ZNF567: variants seen among roughly 807,000 people sequenced by gnomAD.
The protein encoded by ZNF567 is zinc finger protein 567.
Under a neutral mutation model 53.9 loss-of-function variants are expected in ZNF567, and 36 were observed. The observed-to-expected ratio is 0.67, with a 90% CI of 0.51 to 0.88. ZNF567 has a LOEUF of 0.88. Ranked by LOEUF, ZNF567 falls within the 40% of genes least tolerant of loss-of-function variation. The pLI, the probability that ZNF567 is intolerant of heterozygous loss-of-function variation, is 0.00. For missense variants in ZNF567, 619 were observed against 764.7 expected (o/e 0.81, Z 2.25); for synonymous variants, 224 against 260.4 (o/e 0.86, Z 1.35).
At chr19:36,681,976 A>G in the ZNF567 span, among the ~76,000 whole-genome samples, 1 of 152,146 alleles carries the variant, frequency 6.6e-6, no homozygotes, top group African/African-American at 2.4e-5. Context: ...AAGTAACAAA[A>G]TAATTACATG....
chr19:36,721,683 G>A (rs2040300586), downstream of ZNF567, among the ~76,000 whole-genome samples: 1 of 151,516 alleles, frequency 6.6e-6, no homozygotes. Context: ...ACAAGAGAAA[G>A]GGACATTGAG....
the ZNF567 span, among the ~76,000 whole-genome samples, chr19:36,675,493 T>C: frequency 3.3e-5 from 5 of 152,092 alleles, no homozygotes; most frequent in African/African-American, 7.2e-5. Flanking sequence ...ATCAACATCG[T>C]GAAACCCTGT....
intron 3 of ZNF567, among the ~76,000 whole-genome samples, chr19:36,704,432 C>CA (rs1482755305): frequency 1.3e-5 from 2 of 151,264 alleles, no homozygotes; most frequent in African/African-American, 4.8e-5. Flanking sequence ...CAAAACAAAA[C>CA]AAAAAACAAA....
chr19:36,708,799 T>C (rs908194280), intron 3 of ZNF567, among the ~76,000 whole-genome samples: 96 of 152,216 alleles, frequency 6.3e-4, no homozygotes, highest in Non-Finnish European at 8.8e-4. Context: ...CCTAACCCGT[T>C]CTTGCTTATC....
At chr19:36,710,583 T>C (rs2039730566) in intron 3 of ZNF567, among the ~76,000 whole-genome samples, 1 of 152,186 alleles carries the variant, frequency 6.6e-6, no homozygotes, top group Non-Finnish European at 1.5e-5. Flanking sequence ...TGATATATCC[T>C]CTTAGTTCTT....
At chr19:36,710,331 G>A (rs1266554840) in intron 3 of ZNF567, among the ~76,000 whole-genome samples, 1 of 142,422 alleles carries the variant, frequency 7.0e-6, no homozygotes, top group Non-Finnish European at 1.5e-5. Context: ...GGCCCACTAG[G>A]AGTTAGTTTC....
chr19:36,695,306 A>T (rs2038827287), intron 3 of ZNF567, among the ~76,000 whole-genome samples: 1 of 152,030 alleles, frequency 6.6e-6, no homozygotes, highest in Non-Finnish European at 1.5e-5. Context: ...AGGTGGGCAG[A>T]TCACCTGAGG....
At chr19:36,718,096 A>C (rs3108578) in intron 5 of ZNF567, among the ~76,000 whole-genome samples, 45,362 of 152,118 alleles carry the variant, frequency 0.3, 6,827 homozygotes, top group African/African-American at 0.33. Context: ...GTAGAAAATG[A>C]ATTGATAATT....
the ZNF567 span, among the ~76,000 whole-genome samples, chr19:36,671,713 TC>T: frequency 6.6e-6 from 1 of 152,154 alleles, no homozygotes; most frequent in Non-Finnish European, 1.5e-5. Flanking sequence ...AAACGACTCT[TC>T]AGAGGCAGCT....
intron 3 of ZNF567, chr19:36,711,263 G>C (rs2039772253): frequency 6.6e-6 from 1 of 152,200 alleles, no homozygotes; most frequent in Non-Finnish European, 1.5e-5. Context: ...TAGAGACAGG[G>C]TCTTGCCATG....
chr19:36,684,635 C>T (rs954132022), upstream of ZNF567, among the ~76,000 whole-genome samples: 1 of 152,050 alleles, frequency 6.6e-6, no homozygotes, highest in Non-Finnish European at 1.5e-5. Context: ...AACCTCTTCA[C>T]GAACTATTGC....
chr19:36,720,632 A>C lies in ZNF567; in HGVS notation c.1908A>C (p.Gln636His), dbSNP rs765854954. Residue 636 changes from glutamine to histidine, a missense_variant, in exon 6 of 6, where the codon CAA becomes CAC. Coordinates refer to ENST00000682579, the MANE Select transcript of ZNF567 (RefSeq NM_001322917.1). Reference sequence around the variant, plus strand: ...ATAAGAGAAACCTCATTGTCCATCAAAGAACTCACAAGGGAGAAAACATTG... The same window carrying C: ...ATAAGAGAAACCTCATTGTCCATCACAGAACTCACAAGGGAGAAAACATTG... ...FSYKRNLIVH[Q>H]RTHKGENIEM... The C allele has an allele frequency of 1.9e-6, 3 of 1,563,480 alleles. No homozygotes were observed. Among genetic ancestry groups the C allele is most frequent in the Non-Finnish European group, 2.6e-6 (3 of 1,157,122 alleles).
chr19:36,708,348 G>T (rs1525133), intron 3 of ZNF567, among the ~76,000 whole-genome samples: 48,090 of 151,918 alleles, frequency 0.32, 7,889 homozygotes, highest in East Asian at 0.57. Context: ...TTACGTTAAA[G>T]AATTAAGTTA....
chr19:36,694,911 CTT>C (rs36094586), intron 3 of ZNF567, 35 bp downstream of exon 3: 73,379 of 1,321,750 alleles, frequency 0.056, 1 homozygote, highest in Middle Eastern at 0.065. Flanking sequence ...TTCTGAAAGT[CTT>C]TTTTTTTTTT....
At chr19:36,678,850 C>CA in the ZNF567 span, among the ~76,000 whole-genome samples, 77 of 137,632 alleles carry the variant, frequency 5.6e-4, 1 homozygote, top group South Asian at 2.8e-3. Context: ...GACTCTGTCT[C>CA]AAAAAAAAAA....
At chr19:36,677,793 T>A in the ZNF567 span, among the ~76,000 whole-genome samples, 2 of 152,172 alleles carry the variant, frequency 1.3e-5, no homozygotes, top group African/African-American at 4.8e-5. Context: ...TAAAAATTTT[T>A]AAAGAATATT....
chr19:36,692,576 A>G (rs1018937102), intron 2 of ZNF567, among the ~76,000 whole-genome samples: 3 of 152,046 alleles, frequency 2.0e-5, no homozygotes, highest in Admixed American at 6.6e-5. Context: ...GAGTCTCACT[A>G]TGTTTCCCAG....
chr19:36,701,539 A>G (rs554899656), intron 3 of ZNF567, among the ~76,000 whole-genome samples: 2 of 152,216 alleles, frequency 1.3e-5, no homozygotes, highest in East Asian at 3.9e-4. Flanking sequence ...AGTCTCTCCC[A>G]TTATTATTGT....
chr19:36,694,461 TA>T (rs1191297246), intron 2 of ZNF567, among the ~76,000 whole-genome samples: 1 of 152,152 alleles, frequency 6.6e-6, no homozygotes, highest in Non-Finnish European at 1.5e-5. Context: ...GAATGACAGG[TA>T]TTCTCATATA....
Sources: gnomAD v4.1 joint callset for allele counts (sites outside exome capture counted in the v4.1 genomes callset) on GRCh38, gnomAD v4.1.1 for gene constraint, MANE v1.5 for transcripts, NCBI Gene and HGNC (gene_info 2026-07-23, HGNC 2026-07-21) for gene names.